The following GNA12 variants were observed in gnomAD, a reference collection of about 807,000 sequenced individuals.
GNA12 encodes G protein subunit alpha 12, also known as guanine nucleotide-binding protein subunit alpha-12.
In GNA12, 9 loss-of-function variants were observed where a neutral mutation model predicts 26.0. That is an observed-to-expected ratio of 0.35 (90% CI 0.21 to 0.60). The LOEUF (loss-of-function observed/expected upper bound fraction) is 0.60, where lower values mean the gene tolerates loss of function less well. Among genes scored for constraint, GNA12 ranks in the 20% least tolerant of loss-of-function variants. The pLI, the probability that GNA12 is intolerant of heterozygous loss-of-function variation, is 0.78. For missense variants in GNA12, 405 were observed against 525.8 expected (o/e 0.77, Z 2.25); for synonymous variants, 264 against 219.6 (o/e 1.20, Z -1.79).
chr7:2,744,932 A>C (rs1428993728), intron 2 of GNA12, among the ~76,000 whole-genome samples: 2 of 152,222 alleles, frequency 1.3e-5, no homozygotes. Flanking sequence ...ATGGAAGACA[A>C]AATGAATGAA....
chr7:2,792,806 C>T (rs922083780), intron 2 of GNA12, among the ~76,000 whole-genome samples: 4 of 152,176 alleles, frequency 2.6e-5, no homozygotes, highest in Admixed American at 2.0e-4. Context: ...CTAGTAAAAA[C>T]GTCATCCTTA....
At chr7:2,790,376 G>A (rs570873932) in intron 2 of GNA12, among the ~76,000 whole-genome samples, 3 of 152,070 alleles carry the variant, frequency 2.0e-5, no homozygotes, top group Admixed American at 6.6e-5. Flanking sequence ...CTCAGCCACC[G>A]AATAGCTGGA....
At position 2,827,527 on chromosome 7, in the gene GNA12, G is replaced by C. The variant is rs570406644; in HGVS notation, c.309+16326C>G. The stretch of plus-strand genomic sequence containing the variant: ...CCCGGACTGAAGGCACCTAAACTGA[G>C]GGAATAACCACCAAACTGACTGGAA... On this transcript the variant is annotated intron_variant, in intron 1 of 3. Coordinates refer to ENST00000275364, the MANE Select transcript of GNA12 (RefSeq NM_007353.3). 8.5e-5 allele frequency among the ~76,000 whole-genome samples: 13 copies of C among 152,292 alleles called. No homozygotes were observed. The South Asian group carries it at 1.9e-3, about 22-fold the overall frequency.
At chr7:2,841,309 G>A (rs1778982459) in intron 1 of GNA12, among the ~76,000 whole-genome samples, 1 of 152,338 alleles carries the variant, frequency 6.6e-6, no homozygotes, top group South Asian at 2.1e-4. Flanking sequence ...CAGGGATTTA[G>A]ATTTCAGATT....
intron 2 of GNA12, among the ~76,000 whole-genome samples, chr7:2,736,989 C>G (rs1250668591): frequency 6.6e-6 from 1 of 152,230 alleles, no homozygotes; most frequent in Non-Finnish European, 1.5e-5. Flanking sequence ...TCCTCTGCTC[C>G]TAATTGGAGC....
intron 2 of GNA12, 77 bp downstream of exon 2, chr7:2,794,851 A>C: frequency 9.4e-7 from 1 of 1,059,262 alleles, no homozygotes; most frequent in South Asian, 1.3e-5. Flanking sequence ...GTTTTTAAGG[A>C]AATTCAACTA....
intron 1 of GNA12, among the ~76,000 whole-genome samples, chr7:2,811,793 C>T (rs955011586): frequency 7.9e-5 from 12 of 152,250 alleles, no homozygotes; most frequent in Admixed American, 7.8e-4. Flanking sequence ...GAAACTGGTG[C>T]TCCCTTCAGA....
intron 2 of GNA12, among the ~76,000 whole-genome samples, chr7:2,781,834 C>T (rs1792238041): frequency 2.0e-5 from 3 of 152,114 alleles, no homozygotes; most frequent in Non-Finnish European, 4.4e-5. Flanking sequence ...CATTACTCCT[C>T]AAGGGAACGC....
chr7:2,838,539 G>T lies in GNA12; in HGVS notation c.309+5314C>A, dbSNP rs189017889. On this transcript the variant is annotated intron_variant, in intron 1 of 3. Coordinates refer to ENST00000275364, the MANE Select transcript of GNA12 (RefSeq NM_007353.3). The stretch of plus-strand genomic sequence containing the variant: ...GTCAAGACTACAGTGAGCCATGATC[G>T]TGCCACTGCGCTTCAGCCTAGGCAA... Among the ~76,000 whole-genome samples, 61 of 152,234 alleles carry T rather than the reference G, an allele frequency of 4.0e-4. No individual in the cohort carries two copies. In the East Asian group the frequency reaches 0.01, roughly 26 times the overall value.
intron 2 of GNA12, among the ~76,000 whole-genome samples, chr7:2,780,130 T>C (rs1176387792): frequency 1.4e-5 from 2 of 143,690 alleles, no homozygotes; most frequent in African/African-American, 2.6e-5. Flanking sequence ...AGGATATATA[T>C]TTTGCTACTT....
At chr7:2,770,499 T>C (rs927183105) in intron 2 of GNA12, among the ~76,000 whole-genome samples, 2 of 152,070 alleles carry the variant, frequency 1.3e-5, no homozygotes, top group African/African-American at 4.8e-5. Flanking sequence ...TGCACACCTG[T>C]AGTCTCAGCT....
intron 2 of GNA12, among the ~76,000 whole-genome samples, chr7:2,779,708 C>T (rs1792172678): frequency 6.6e-6 from 1 of 152,030 alleles, no homozygotes; most frequent in Admixed American, 6.6e-5. Flanking sequence ...AAGTGATTCT[C>T]ATGCTGCAGC....
chr7:2,769,253 G>C (rs1346759326), intron 2 of GNA12, among the ~76,000 whole-genome samples: 2 of 152,044 alleles, frequency 1.3e-5, no homozygotes, highest in Non-Finnish European at 2.9e-5. Flanking sequence ...ATAGCCATCT[G>C]GTATTCTACT....
intron 2 of GNA12, among the ~76,000 whole-genome samples, chr7:2,790,893 G>A (rs570362921): frequency 4.0e-5 from 6 of 151,830 alleles, no homozygotes; most frequent in Non-Finnish European, 7.4e-5. Context: ...TGGTTTGCCT[G>A]AGCCCAGGAG....
chr7:2,734,448 T>G (rs772639368), intron 2 of GNA12, among the ~76,000 whole-genome samples: 3 of 152,316 alleles, frequency 2.0e-5, no homozygotes, highest in Middle Eastern at 3.4e-3. Flanking sequence ...CTTTCTGTGT[T>G]CTCATGGAAA....
At chr7:2,820,175 C>T (rs748258464) in intron 1 of GNA12, among the ~76,000 whole-genome samples, 13 of 152,122 alleles carry the variant, frequency 8.5e-5, no homozygotes, top group Non-Finnish European at 1.9e-4. Context: ...TCAACAGCGT[C>T]GAGAGAAATC....
At position 2,730,974 on chromosome 7, in the gene GNA12, C is replaced by T; in HGVS notation, c.*207G>A. 1 of 536,334 alleles carries T rather than the reference C, an allele frequency of 1.9e-6. No individual in the cohort carries two copies. Among genetic ancestry groups the T allele is most frequent in the Non-Finnish European group, 3.3e-6 (1 of 299,314 alleles). 33.2% of individuals were successfully genotyped at this position (536,334 alleles called of 1,614,324 possible). ...GGATTTTCAGTAGTTTCACTCGCCCCCAGGATTCAGTAGCTAACGTGACAG... is the reference window on the plus strand; with the variant it reads ...GGATTTTCAGTAGTTTCACTCGCCCTCAGGATTCAGTAGCTAACGTGACAG... On this transcript the variant is annotated 3_prime_UTR_variant, in exon 4 of 4. Coordinates refer to ENST00000275364, the MANE Select transcript of GNA12 (RefSeq NM_007353.3).
At chr7:2,779,985 G>A (rs533926533) in intron 2 of GNA12, among the ~76,000 whole-genome samples, 5 of 146,986 alleles carry the variant, frequency 3.4e-5, no homozygotes, top group Admixed American at 2.8e-4. Context: ...AAGAAAAATA[G>A]AACAACTGAG....
chr7:2,805,646 G>C (rs1015582389), intron 1 of GNA12, among the ~76,000 whole-genome samples: 2 of 152,234 alleles, frequency 1.3e-5, no homozygotes, highest in African/African-American at 4.8e-5. Context: ...ACTAGAGCCA[G>C]AGCTGAGCTG....
Sources: gnomAD v4.1 joint callset for allele counts (sites outside exome capture counted in the v4.1 genomes callset) on GRCh38, gnomAD v4.1.1 for gene constraint, MANE v1.5 for transcripts, NCBI Gene and HGNC (gene_info 2026-07-23, HGNC 2026-07-21) for gene names.